Variants in PTPRK observed in about 807,000 individuals in gnomAD.
PTPRK encodes protein tyrosine phosphatase receptor type K.
Under a neutral mutation model 178.0 loss-of-function variants are expected in PTPRK, and 75 were observed. The ratio of observed to expected loss-of-function variants is 0.42; its 90% CI spans 0.35 to 0.51. The LOEUF is 0.51. PTPRK is among the 20% of genes least tolerant of loss of function. PTPRK has a pLI of 0.02. For synonymous variants in PTPRK, 637 were observed against 620.6 expected, an observed-to-expected ratio of 1.03 and a Z score of -0.39; for missense variants, 1,441 against 1,797.8, an observed-to-expected ratio of 0.80 and a Z score of 3.59.
At position 128,089,722 on chromosome 6, in the gene PTPRK, C is replaced by T. The variant is rs1413117521; in HGVS notation, c.1433G>A (p.Ser478Asn). The part of the protein sequence containing the change: ...ILTNPEGRKE[S>N]EETIIQTDED... ...ATCAGTTTGAATAATTGTCTCTTCACTCTCCTTCCTTCCCTCTGGATTGGT... is the reference window on the plus strand; with the variant it reads ...ATCAGTTTGAATAATTGTCTCTTCATTCTCCTTCCTTCCCTCTGGATTGGT... The change falls in exon 8 of 30, where the codon AGT (serine) becomes AAT (asparagine). Residue 478 changes from serine to asparagine, a missense_variant. Transcript: ENST00000368226. The T allele has an allele frequency of 9.9e-6, 16 of 1,613,164 alleles. No individual in the cohort carries two copies. Among genetic ancestry groups the T allele is most frequent in the Non-Finnish European group, 1.2e-5 (14 of 1,179,142 alleles).
intron 14 of PTPRK, among the ~76,000 whole-genome samples, chr6:128,007,744 T>A (rs1283071913): frequency 6.6e-6 from 1 of 151,024 alleles, no homozygotes; most frequent in African/African-American, 2.4e-5. Flanking sequence ...CACTTTCATG[T>A]TTACATCCAA....
At chr6:128,287,120 T>G (rs190413893) in intron 3 of PTPRK, among the ~76,000 whole-genome samples, 1 of 152,280 alleles carries the variant, frequency 6.6e-6, no homozygotes, top group Non-Finnish European at 1.5e-5. Context: ...AATGTCTCAC[T>G]GCCTCAGCTT....
intron 5 of PTPRK, among the ~76,000 whole-genome samples, chr6:128,232,925 C>G (rs76660906): frequency 0.013 from 1,925 of 152,252 alleles, 18 homozygotes; most frequent in Non-Finnish European, 0.021. Flanking sequence ...TGTTACCTAG[C>G]GTGAGCTGAT....
intron 1 of PTPRK, among the ~76,000 whole-genome samples, chr6:128,416,572 C>T (rs181951895): frequency 0.015 from 2,225 of 150,630 alleles, 59 homozygotes; most frequent in African/African-American, 0.051. Context: ...GGCGTGAACC[C>T]GGGAGTCAGA....
intron 7 of PTPRK, among the ~76,000 whole-genome samples, chr6:128,162,491 T>A (rs1316435313): frequency 6.6e-6 from 1 of 151,648 alleles, no homozygotes; most frequent in African/African-American, 2.4e-5. Flanking sequence ...ACACTTTTCA[T>A]ATATACAGAA....
intron 7 of PTPRK, among the ~76,000 whole-genome samples, chr6:128,151,991 T>C (rs1797316074): frequency 6.6e-6 from 1 of 151,884 alleles, no homozygotes; most frequent in South Asian, 2.1e-4. Context: ...AGATGAATTG[T>C]TTGATGGAAA....
intron 1 of PTPRK, among the ~76,000 whole-genome samples, chr6:128,469,513 A>G (rs1850330512): frequency 1.3e-5 from 2 of 152,182 alleles, no homozygotes; most frequent in South Asian, 4.1e-4. Context: ...CAGAAGAGTA[A>G]AACAATCAAG....
intron 15 of PTPRK, among the ~76,000 whole-genome samples, chr6:128,002,679 G>A (rs1333030687): frequency 6.6e-6 from 1 of 151,856 alleles, no homozygotes; most frequent in Non-Finnish European, 1.5e-5. Flanking sequence ...CATGTAGAAT[G>A]TCAAACCCCA....
intron 7 of PTPRK, among the ~76,000 whole-genome samples, chr6:128,114,020 G>A (rs1225796604): frequency 6.6e-6 from 1 of 152,112 alleles, no homozygotes; most frequent in African/African-American, 2.4e-5. Context: ...AAGGCATCAA[G>A]TAAGGCTTCC....
chr6:128,168,278 G>C (rs572060809), intron 7 of PTPRK, among the ~76,000 whole-genome samples: 1 of 152,140 alleles, frequency 6.6e-6, no homozygotes, highest in African/African-American at 2.4e-5. Context: ...CTAAGTGTTG[G>C]TGAGGTGGTA....
intron 13 of PTPRK, among the ~76,000 whole-genome samples, chr6:128,015,434 G>C (rs771262764): frequency 2.0e-5 from 3 of 151,514 alleles, no homozygotes; most frequent in Non-Finnish European, 4.4e-5. Context: ...CTCTGAAATT[G>C]GTTCTGAATT....
chr6:128,194,102 A>ATTATTATTATTT lies in PTPRK; in HGVS notation c.869-9378_869-9377insAAATAATAATAA, dbSNP rs202171859. Among the ~76,000 whole-genome samples, 40 of 145,610 alleles carry ATTATTATTATTT rather than the reference A, an allele frequency of 2.7e-4. 1 individual carries two copies. Among genetic ancestry groups the ATTATTATTATTT allele is most frequent in the East Asian group, 2.2e-3 (11 of 4,984 alleles). ...TATTATTATTATTATTATTATTATTAGGAAACGGAGTCTTGCTCTGTTGCC... is the reference window on the plus strand; with the variant it reads ...TATTATTATTATTATTATTATTATTATTATTATTATTTGGAAACGGAGTCTTGCTCTGTTGCC... On this transcript the variant is annotated intron_variant, in intron 6 of 29. Transcript: ENST00000368226.
At chr6:128,075,171 A>G (rs1321059368) in intron 11 of PTPRK, among the ~76,000 whole-genome samples, 1 of 151,936 alleles carries the variant, frequency 6.6e-6, no homozygotes, top group Non-Finnish European at 1.5e-5. Flanking sequence ...CTGCATTTCC[A>G]TTGCTACTTT....
At chr6:128,363,102 T>A (rs1055383501) in intron 2 of PTPRK, among the ~76,000 whole-genome samples, 2 of 152,194 alleles carry the variant, frequency 1.3e-5, no homozygotes, top group Non-Finnish European at 2.9e-5. Flanking sequence ...GGAAACCCTC[T>A]TCTGCAACAT....
At chr6:128,243,833 T>A (rs928098053) in intron 3 of PTPRK, among the ~76,000 whole-genome samples, 3 of 152,208 alleles carry the variant, frequency 2.0e-5, no homozygotes, top group Non-Finnish European at 4.4e-5. Context: ...AAGCATTTTT[T>A]AAAATGTAAT....
chr6:128,168,581 G>T (rs1422742034), intron 7 of PTPRK, among the ~76,000 whole-genome samples: 1 of 152,036 alleles, frequency 6.6e-6, no homozygotes, highest in Non-Finnish European at 1.5e-5. Flanking sequence ...CATATAAGTG[G>T]CGGCATTAGA....
chr6:128,249,313 A>C (rs1297045404), intron 3 of PTPRK, among the ~76,000 whole-genome samples: 3 of 149,738 alleles, frequency 2.0e-5, no homozygotes, highest in African/African-American at 5.0e-5. Flanking sequence ...AAAAAAAAAA[A>C]CAGTATTTTT....
intron 3 of PTPRK, among the ~76,000 whole-genome samples, chr6:128,293,160 T>C (rs1181573352): frequency 1.3e-5 from 2 of 152,124 alleles, no homozygotes; most frequent in African/African-American, 4.8e-5. Context: ...GAGGTAGCCA[T>C]TGTTTTGTCA....
chr6:128,360,559 T>C (rs1226889606), intron 2 of PTPRK, among the ~76,000 whole-genome samples: 3 of 152,192 alleles, frequency 2.0e-5, no homozygotes, highest in Non-Finnish European at 4.4e-5. Flanking sequence ...CTAATAAGTA[T>C]GGTGAATATG....
Sources: gnomAD v4.1 joint callset for allele counts (sites outside exome capture counted in the v4.1 genomes callset) on GRCh38, gnomAD v4.1.1 for gene constraint, MANE v1.5 for transcripts, NCBI Gene and HGNC (gene_info 2026-07-23, HGNC 2026-07-21) for gene names.